ATRN: variants seen among roughly 807,000 people sequenced by gnomAD.
The protein encoded by ATRN is attractin-2.
In ATRN, 54 loss-of-function variants were observed where a neutral mutation model predicts 178.7. The ratio of observed to expected loss-of-function variants is 0.30; its 90% CI spans 0.24 to 0.38. ATRN has a LOEUF of 0.38. ATRN is among the 10% of genes least tolerant of loss of function. ATRN has a pLI of 1.00. For missense variants in ATRN, 1,443 were observed against 1,815.1 expected, an observed-to-expected ratio of 0.79 and a Z score of 3.73; for synonymous variants, 636 against 663.0, an observed-to-expected ratio of 0.96 and a Z score of 0.63.
intron 1 of ATRN, among the ~76,000 whole-genome samples, chr20:3,511,939 A>T (rs2085133982): frequency 6.6e-6 from 1 of 151,402 alleles, no homozygotes; most frequent in African/African-American, 2.4e-5. Flanking sequence ...ATATCAGAGG[A>T]GTTAATAACA....
intron 25 of ATRN, among the ~76,000 whole-genome samples, chr20:3,630,386 A>C (rs1248095888): frequency 2.0e-5 from 3 of 152,192 alleles, no homozygotes; most frequent in African/African-American, 7.2e-5. Flanking sequence ...CATCTAGTAC[A>C]TAATCTAGTA....
chr20:3,551,942 G>A (rs572127357), intron 6 of ATRN, among the ~76,000 whole-genome samples: 1 of 152,194 alleles, frequency 6.6e-6, no homozygotes, highest in African/African-American at 2.4e-5. Flanking sequence ...GGCCACATGT[G>A]GTTATTTCAT....
chr20:3,524,786 C>T (rs979692518), intron 1 of ATRN, among the ~76,000 whole-genome samples: 2 of 152,176 alleles, frequency 1.3e-5, no homozygotes, highest in Non-Finnish European at 2.9e-5. Context: ...GGAAACTGAA[C>T]AACCTTCTCC....
chr20:3,619,104 T>C (rs1010704984), intron 24 of ATRN, among the ~76,000 whole-genome samples: 1 of 152,178 alleles, frequency 6.6e-6, no homozygotes, highest in African/African-American at 2.4e-5. Context: ...GCCCAGTACA[T>C]ACATACCTTG....
chr20:3,533,433 G>T (rs62208143), intron 1 of ATRN, among the ~76,000 whole-genome samples: 2,126 of 152,264 alleles, frequency 0.014, 34 homozygotes, highest in Non-Finnish European at 0.02. Context: ...TCCTCTACTT[G>T]TAGACATGTC....
intron 27 of ATRN, among the ~76,000 whole-genome samples, chr20:3,643,891 G>C (rs1458164816): frequency 6.6e-6 from 1 of 152,144 alleles, no homozygotes; most frequent in Non-Finnish European, 1.5e-5. Context: ...ACTTGGCGTG[G>C]CCCCTTCCCT....
At chr20:3,534,356 A>G (rs1412621764) in intron 1 of ATRN, among the ~76,000 whole-genome samples, 1 of 152,192 alleles carries the variant, frequency 6.6e-6, no homozygotes, top group Non-Finnish European at 1.5e-5. Context: ...TACTGGTAAT[A>G]GCAAGGGCCA....
chr20:3,599,348 A>G (rs1436330261), intron 22 of ATRN, among the ~76,000 whole-genome samples: 2 of 152,234 alleles, frequency 1.3e-5, no homozygotes, highest in Admixed American at 6.5e-5. Context: ...AAAAATAAAT[A>G]TAGTAGAATC....
intron 1 of ATRN, among the ~76,000 whole-genome samples, chr20:3,506,052 A>G (rs565258335): frequency 6.6e-6 from 1 of 151,630 alleles, no homozygotes; most frequent in African/African-American, 2.4e-5. Context: ...TAGACTTGAC[A>G]CACTGACACA....
chr20:3,566,904 C>CAAAAA (rs33920660), intron 11 of ATRN, among the ~76,000 whole-genome samples: 4 of 86,412 alleles, frequency 4.6e-5, no homozygotes, highest in Non-Finnish European at 6.3e-5. Flanking sequence ...GACTCCATCT[C>CAAAAA]AAAAAAAAAA....
intron 3 of ATRN, among the ~76,000 whole-genome samples, chr20:3,540,885 A>AT (rs1011087630): frequency 2.0e-5 from 3 of 151,792 alleles, no homozygotes; most frequent in African/African-American, 4.8e-5. Flanking sequence ...TATTATATAT[A>AT]TTTTTTTTCA....
intron 26 of ATRN, among the ~76,000 whole-genome samples, chr20:3,636,622 C>G (rs2087027107): frequency 6.6e-6 from 1 of 152,194 alleles, no homozygotes; most frequent in Non-Finnish European, 1.5e-5. Flanking sequence ...GCACTGAGTT[C>G]TAAGTGGTTT....
At chr20:3,541,792 C>T (rs1172859034) in intron 3 of ATRN, among the ~76,000 whole-genome samples, 1 of 152,202 alleles carries the variant, frequency 6.6e-6, no homozygotes, top group Non-Finnish European at 1.5e-5. Flanking sequence ...CAGTTTTTCA[C>T]CTGCAACTGG....
At chr20:3,642,925 C>T (rs1404212548) in intron 27 of ATRN, among the ~76,000 whole-genome samples, 2 of 152,180 alleles carry the variant, frequency 1.3e-5, no homozygotes, top group African/African-American at 4.8e-5. Flanking sequence ...AAGGACTTGA[C>T]ACACCATCCC....
intron 1 of ATRN, among the ~76,000 whole-genome samples, chr20:3,505,778 A>G (rs545066685): frequency 6.6e-6 from 1 of 152,348 alleles, no homozygotes; most frequent in African/African-American, 2.4e-5. Flanking sequence ...AGGATACTAA[A>G]TTATACCATG....
At chr20:3,583,700 T>A (rs775833734) in intron 16 of ATRN, among the ~76,000 whole-genome samples, 198 bp from the exon 17 acceptor site, 8 of 151,892 alleles carry the variant, frequency 5.3e-5, no homozygotes, top group Non-Finnish European at 1.0e-4. Context: ...CCCAGCTACT[T>A]GGGAGGCTGA....
At position 3,540,415 on chromosome 20, in the gene ATRN, G is replaced by A. The variant is rs1039075477; in HGVS notation, c.608+80G>A. On this transcript the variant is annotated intron_variant, in intron 3 of 28. Coordinates refer to ENST00000262919, the MANE Select transcript of ATRN (RefSeq NM_139321.3). ...ATCTTCTGGATTGCATTCTTACTGG[G>A]TTCACCTTTATTATCACTTAACACA... is the stretch of plus-strand genomic sequence containing the variant. 3 of 879,506 alleles carry A rather than the reference G, an allele frequency of 3.4e-6. 1 individual carries two copies. Among genetic ancestry groups the A allele is most frequent in the Middle Eastern group, 4.5e-4 (2 of 4,492 alleles). 54.5% of individuals were successfully genotyped at this position (879,506 alleles called of 1,614,324 possible).
At chr20:3,597,544 A>G (rs989703169) in intron 21 of ATRN, among the ~76,000 whole-genome samples, 2 of 152,214 alleles carry the variant, frequency 1.3e-5, no homozygotes. Context: ...CTGCTTCTGC[A>G]TTCAGTCTGT....
chr20:3,485,610 GTTTTTTTTTTTTTT>G (rs3084238), intron 1 of ATRN, among the ~76,000 whole-genome samples: 7 of 67,900 alleles, frequency 1.0e-4, no homozygotes, highest in South Asian at 6.2e-4. Flanking sequence ...TTTTTTTGAG[GTTTTTTTTTTTTTT>G]TTTTTTTTTT....
Sources: gnomAD v4.1 joint callset for allele counts (sites outside exome capture counted in the v4.1 genomes callset) on GRCh38, gnomAD v4.1.1 for gene constraint, MANE v1.5 for transcripts, NCBI Gene and HGNC (gene_info 2026-07-23, HGNC 2026-07-21) for gene names.